The following UNK variants were observed in gnomAD, a reference collection of about 807,000 sequenced individuals.
UNK encodes the protein unk zinc finger.
A neutral mutation model predicts 97.6 loss-of-function variants in UNK; 32 were observed. That is an observed-to-expected ratio of 0.33 (90% CI 0.25 to 0.44). The LOEUF (loss-of-function observed/expected upper bound fraction) is 0.44. Among genes scored for constraint, UNK ranks in the 20% least tolerant of loss-of-function variants. UNK has a pLI of 1.00. For missense variants in UNK, 771 were observed against 1,098.4 expected (o/e 0.70, Z 4.21); for synonymous variants, 441 against 461.2 (o/e 0.96, Z 0.56).
chr17:75,815,373 C>A, intron 7 of UNK, 120 bp downstream of exon 7: 1 of 897,816 alleles, frequency 1.1e-6, no homozygotes. Context: ...TTCTGGCCTG[C>A]CAGCAGCAGG....
chr17:75,815,977 A>C lies in UNK; in HGVS notation c.961+724A>C, dbSNP rs1286180243. Among the ~76,000 whole-genome samples the C allele has an allele frequency of 2.0e-5, 3 of 152,238 alleles. No homozygotes were observed. In the East Asian group the frequency reaches 5.8e-4, roughly 29 times the overall value. ...TAATAACATATTTGTATTTAGCCCA[A>C]CATAAAAGGTTATTTCAATAATCAA... On this transcript the variant is annotated intron_variant, in intron 7 of 15. Coordinates refer to ENST00000589666, the MANE Select transcript of UNK (RefSeq NM_001080419.3).
At chr17:75,786,981 G>A (rs755067479) in intron 1 of UNK, among the ~76,000 whole-genome samples, 2 of 152,210 alleles carry the variant, frequency 1.3e-5, no homozygotes, top group Non-Finnish European at 2.9e-5. Context: ...AAATAGCCAA[G>A]CTTGATGGGA....
At chr17:75,785,153 C>T (rs971003949) in intron 1 of UNK, 169 bp downstream of exon 1, 2 of 529,438 alleles carry the variant, frequency 3.8e-6, no homozygotes, top group East Asian at 3.4e-5. Flanking sequence ...CTGCCTCCAA[C>T]TGCCACCAAC....
At chr17:75,785,919 C>T (rs1451785271) in intron 1 of UNK, 1 of 151,976 alleles carries the variant, frequency 6.6e-6, no homozygotes, top group Non-Finnish European at 1.5e-5. Context: ...TCCCCAGCTG[C>T]GAGAGGTTTT....
In UNK at chr17:75,820,049, G is replaced by A. The variant is rs1478841076; in HGVS notation, c.1778G>A (p.Gly593Asp). Residue 593 changes from glycine (G) to aspartate (D), a missense_variant, in exon 13 of 16, where the codon GGC becomes GAC. This residue lies in a region of UNK where 91 missense variants were observed against 173.1 expected (regional missense o/e 0.53). Coordinates refer to ENST00000589666, the MANE Select transcript of UNK (RefSeq NM_001080419.3). ...LSSHFLQQPQ[G>D]HLSQSENTFL... is the part of the protein sequence containing the mutation. ...TCGCATTTCCTGCAGCAGCCCCAGGGCCACCTGAGTCAGTCGGAAAACACA... is the reference window on the plus strand; with the variant it reads ...TCGCATTTCCTGCAGCAGCCCCAGGACCACCTGAGTCAGTCGGAAAACACA... 1.2e-6 allele frequency: 2 copies of A among 1,613,834 alleles called. No homozygotes were observed. Among genetic ancestry groups the A allele is most frequent in the South Asian group, 2.2e-5 (2 of 91,082 alleles).
intron 7 of UNK, among the ~76,000 whole-genome samples, chr17:75,815,968 T>C (rs1193109969): frequency 1.3e-5 from 2 of 152,230 alleles, no homozygotes; most frequent in African/African-American, 4.8e-5. Flanking sequence ...CATATTTGTA[T>C]TTAGCCCAAC....
chr17:75,784,872 G>C lies in UNK; in HGVS notation c.-9G>C. The C allele has an allele frequency of 2.5e-6, 4 of 1,601,370 alleles. No individual in the cohort carries two copies. Among genetic ancestry groups the C allele is most frequent in the Non-Finnish European group, 2.6e-6 (3 of 1,174,970 alleles). ...AAGGGGAGCGGCGAAGAGGCAGGAA[G>C]ACAAGACCATGTCGAAGGGCCCCGG... On this transcript the variant is annotated 5_prime_UTR_variant, in exon 1 of 16. Transcript: ENST00000589666.
chr17:75,796,303 C>T (rs2061805349), intron 1 of UNK, among the ~76,000 whole-genome samples: 2 of 151,270 alleles, frequency 1.3e-5, no homozygotes, highest in Non-Finnish European at 2.9e-5. Flanking sequence ...GTGTCAGATC[C>T]ATCCAAATAT....
intron 13 of UNK, 116 bp from the exon 14 acceptor site, chr17:75,822,361 G>A: frequency 7.9e-7 from 1 of 1,267,830 alleles, no homozygotes; most frequent in Non-Finnish European, 1.1e-6. Flanking sequence ...GACACTAGCT[G>A]GAGCCTTGCA....
At chr17:75,820,784 C>T (rs1216099602) in intron 13 of UNK, among the ~76,000 whole-genome samples, 2 of 152,106 alleles carry the variant, frequency 1.3e-5, no homozygotes, top group East Asian at 1.9e-4. Context: ...CACATGGCAC[C>T]ACCGCTCTCA....
At chr17:75,789,405 C>T (rs1300597755) in intron 1 of UNK, among the ~76,000 whole-genome samples, 9 of 151,970 alleles carry the variant, frequency 5.9e-5, no homozygotes, top group Admixed American at 5.9e-4. Context: ...GGCGCGATCT[C>T]GGCTCACTGC....
chr17:75,789,572 G>A (rs560576501), intron 1 of UNK, among the ~76,000 whole-genome samples: 6 of 152,218 alleles, frequency 3.9e-5, no homozygotes, highest in South Asian at 4.1e-4. Context: ...TCCTGAACTC[G>A]TGATCTGCCC....
chr17:75,825,731 T>G lies in UNK; in HGVS notation c.*1314T>G, dbSNP rs1484170663. The G allele has an allele frequency of 6.6e-6, 1 of 152,240 alleles. No individual in the cohort carries two copies. Among genetic ancestry groups the G allele is most frequent in the African/African-American group, 2.4e-5 (1 of 41,468 alleles). 9.4% of individuals were successfully genotyped at this position (152,240 alleles called of 1,614,324 possible). On this transcript the variant is annotated 3_prime_UTR_variant, in exon 16 of 16. Coordinates refer to ENST00000589666, the MANE Select transcript of UNK (RefSeq NM_001080419.3). This position sits in a 1 kb window ranked among gnomAD's most constrained non-coding sequence, Gnocchi z 4.4. ...TTTCAATGAATTAAGTGAAAACTTTTTCCTTTTTTACAAAAATGCAAAAAT... is the reference window on the plus strand; with the variant it reads ...TTTCAATGAATTAAGTGAAAACTTTGTCCTTTTTTACAAAAATGCAAAAAT...
chr17:75,796,096 A>G (rs1484037645), intron 1 of UNK, among the ~76,000 whole-genome samples: 2 of 152,112 alleles, frequency 1.3e-5, no homozygotes, highest in Non-Finnish European at 2.9e-5. Context: ...ATAAGATCAT[A>G]TTGTATTTAC....
chr17:75,822,568 G>A lies in UNK; in HGVS notation c.1929G>A (p.Gly643=). ...CCCCCGCTTTCCTATCAGGGCCAGG[G>A]GCTGCCGAGCTGGCCCGACTTCGGC... ...GTSPAFLSGP[G]AAELARLRQE... is the part of the protein sequence containing the mutation. Residue 643 remains glycine (G), a synonymous_variant, in exon 14 of 16, where the codon GGG becomes GGA. Transcript: ENST00000589666. 1.2e-6 allele frequency: 2 copies of A among 1,613,604 alleles called. No homozygotes were observed. Among genetic ancestry groups the A allele is most frequent in the East Asian group, 2.2e-5 (1 of 44,880 alleles).
At chr17:75,785,064 C>T (rs2061694510) in intron 1 of UNK, 80 bp downstream of exon 1, 2 of 1,023,834 alleles carry the variant, frequency 2.0e-6, no homozygotes, top group Admixed American at 3.6e-5. Context: ...GCAGGGAGAG[C>T]GCGAGGCGGC....
Position 75,822,592 on chromosome 17 carries a change from G to A in UNK, c.1953G>A (p.Arg651=). The A allele has an allele frequency of 1.2e-6, 2 of 1,613,510 alleles. No individual in the cohort carries two copies. The highest frequency in any genetic ancestry group is 1.7e-6 in the Non-Finnish European group (2 of 1,179,816). The change falls in exon 14 of 16, where the codon CGG becomes CGA. Residue 651 remains arginine (R), a synonymous_variant. Transcript: ENST00000589666. The part of the protein sequence containing the change: ...GPGAAELARL[R]QELDEANSTI... ...GGGCTGCCGAGCTGGCCCGACTTCG[G>A]CAAGAGCTGGATGAAGCCAACAGCA...
At position 75,824,901 on chromosome 17, in the gene UNK, T is replaced by G. The variant is rs1382943176; in HGVS notation, c.*484T>G. 6.6e-6 allele frequency: 1 copy of G among 152,206 alleles called. No individual in the cohort carries two copies. Among genetic ancestry groups the G allele is most frequent in the Admixed American group, 6.5e-5 (1 of 15,292 alleles). 9.4% of individuals were successfully genotyped at this position (152,206 alleles called of 1,614,324 possible). On this transcript the variant is annotated 3_prime_UTR_variant, in exon 16 of 16. Transcript: ENST00000589666. The surrounding 1 kb of genome is among the most constrained non-coding windows in gnomAD (Gnocchi z 4.9). ...AGGGAGAAGCCCTCAGGGCAGGCCC[T>G]GCTCCCCCTACCTCCTTGCCAGGGC... is the stretch of plus-strand genomic sequence containing the variant.
Position 75,816,936 on chromosome 17 carries a change from G to C in UNK, c.1104+24G>C, listed in dbSNP as rs545235503. On this transcript the variant is annotated intron_variant, in intron 8 of 15. Transcript: ENST00000589666. The surrounding 1 kb of genome is among the most constrained non-coding windows in gnomAD (Gnocchi z 4.0). The stretch of plus-strand genomic sequence containing the variant: ...CCGTACGTGTCCATCCTGGGGAGTG[G>C]GTGGGCACCATGCCTGACAGAGCCA... 7.6e-6 allele frequency: 12 copies of C among 1,589,226 alleles called. No homozygotes were observed. Among genetic ancestry groups the C allele is most frequent in the Non-Finnish European group, 9.4e-6 (11 of 1,173,324 alleles).
Sources: gnomAD v4.1 joint callset for allele counts (sites outside exome capture counted in the v4.1 genomes callset) on GRCh38, gnomAD v4.1.1 for gene constraint, gnomAD v4.1.1 regional missense constraint, Gnocchi (gnomAD v3.1) non-coding constraint, MANE v1.5 for transcripts, NCBI Gene and HGNC (gene_info 2026-07-23, HGNC 2026-07-21) for gene names.